Variants in GGT1 observed in about 807,000 individuals in gnomAD.
GGT1 encodes the protein gamma-glutamyltransferase 1, also known as glutathione hydrolase 1 proenzyme.
In GGT1, 21 loss-of-function variants were observed where a neutral mutation model predicts 56.0. That is an observed-to-expected ratio of 0.38 (90% confidence interval 0.27 to 0.54). The LOEUF is 0.54. GGT1 is among the 20% of genes least tolerant of loss of function. The pLI, the probability that GGT1 is intolerant of heterozygous loss-of-function variation, is 0.82. For missense variants in GGT1, 466 were observed against 787.0 expected (o/e 0.59, Z 4.88); for synonymous variants, 238 against 342.6 (o/e 0.69, Z 3.37).
At chr22:24,613,908 G>T (rs5760499) in intron 5 of GGT1, among the ~76,000 whole-genome samples, 1 of 151,456 alleles carries the variant, frequency 6.6e-6, no homozygotes, top group Admixed American at 6.6e-5. Context: ...AAAATTGCCA[G>T]GTGTGGTGGT....
At chr22:24,586,216 C>T in the GGT1 span, 63 of 1,613,554 alleles carry the variant, frequency 3.9e-5, no homozygotes, top group South Asian at 1.1e-4. Context: ...GGCGGGGCAG[C>T]GCCCACAGGC....
Position 24,626,965 on chromosome 22 carries a change from A to G in GGT1, c.1021-467A>G, listed in dbSNP as rs554607144. 2.1e-4 allele frequency among the ~76,000 whole-genome samples: 32 copies of G among 150,330 alleles called. No individual in the cohort carries two copies. The South Asian group carries it at 3.0e-3, about 14-fold the overall frequency. ...AGGCCACATTCCAGGCTCTTTTCAC[A>G]CGTTGCCTCCTCTGAGAAGCCCTCC... On this transcript the variant is annotated intron_variant, in intron 11 of 15. Coordinates refer to ENST00000400382, the MANE Select transcript of GGT1 (RefSeq NM_001288833.2).
rs1237256870 is a variant in GGT1 at position 24,628,406 on chromosome 22, G to A, written c.1563+18G>A. ...TTGACCAGGTGGGCCGGGGGTTGGA[G>A]AAACTGAGTCAAGGTGTGGGGCCCC... is the stretch of plus-strand genomic sequence containing the variant. On this transcript the variant is annotated intron_variant, in intron 15 of 15. Transcript: ENST00000400382. The surrounding 1 kb of genome is among the most constrained non-coding windows in gnomAD (Gnocchi z 5.7). 6.2e-7 allele frequency: 1 copy of A among 1,608,966 alleles called. No individual in the cohort carries two copies.
the GGT1 span, chr22:24,585,828 A>G: frequency 1.4e-6 from 2 of 1,454,554 alleles, no homozygotes; most frequent in South Asian, 1.4e-5. Flanking sequence ...TTCATCGCCC[A>G]CTATCATGTG....
Position 24,623,770 on chromosome 22 carries a change from G to T in GGT1, c.884-10G>T, listed in dbSNP as rs746059583. On this transcript the variant is annotated splice_polypyrimidine_tract_variant and intron_variant, in intron 10 of 15. Coordinates refer to ENST00000400382, the MANE Select transcript of GGT1 (RefSeq NM_001288833.2). ...GGCTCAGCAACATGCACCTGGCTCT[G>T]ATCAACCAGGGTACAACTTCTCCCG... 2 of 1,611,660 alleles carry T rather than the reference G, an allele frequency of 1.2e-6. No homozygotes were observed. Among genetic ancestry groups the T allele is most frequent in the Admixed American group, 1.7e-5 (1 of 59,972 alleles).
At chr22:24,605,351 ATATAATATGTATTATATATTATATAATAT>A (rs1569048329) in intron 1 of GGT1, among the ~76,000 whole-genome samples, 716 of 61,698 alleles carry the variant, frequency 0.012, 85 homozygotes, top group Non-Finnish European at 0.016. Flanking sequence ...ATTATATATT[ATATAATATGTATTATATATTATATAATAT>A]TATAATATGT....
rs1452819957 is a variant in GGT1 at position 24,620,408 on chromosome 22, C to T, written c.463C>T (p.Arg155Cys). The change falls in exon 8 of 16, where the codon CGC (arginine) becomes TGC (cysteine). Residue 155 changes from arginine to cysteine, a missense_variant. Coordinates refer to ENST00000400382, the MANE Select transcript of GGT1 (RefSeq NM_001288833.2). The surrounding 1 kb of genome is among the most constrained non-coding windows in gnomAD (Gnocchi z 5.6). ...GCGGCATGGGCGGCTGCCCTGGGCT[C>T]GCCTCTTCCAGCCCAGCATCCAGCT... ...HQRHGRLPWA[R>C]LFQPSIQLAR... 17 of 1,611,114 alleles carry T rather than the reference C, an allele frequency of 1.1e-5. No individual in the cohort carries two copies. The highest frequency in any genetic ancestry group is 1.4e-5 in the Non-Finnish European group (16 of 1,179,610).
chr22:24,592,122 T>G (rs1314057226), upstream of GGT1: 2 of 364,698 alleles, frequency 5.5e-6, no homozygotes, highest in Non-Finnish European at 5.5e-6. Flanking sequence ...CTGTAGGGGG[T>G]GGGGACGGGG....
intron 9 of GGT1, 106 bp from the exon 10 acceptor site, chr22:24,623,001 C>G (rs2047528067): frequency 1.4e-6 from 2 of 1,386,018 alleles, no homozygotes; most frequent in African/African-American, 2.9e-5. Context: ...TTCCCCACCA[C>G]CATGGTGCAG....
At chr22:24,606,842 G>A (rs900849167) in intron 1 of GGT1, among the ~76,000 whole-genome samples, 30 of 151,900 alleles carry the variant, frequency 2.0e-4, no homozygotes, top group Admixed American at 1.8e-3. Flanking sequence ...TTATGGGCAC[G>A]GAATAGACCT....
At chr22:24,624,051 T>C in intron 11 of GGT1, 135 bp downstream of exon 11, 15 of 1,518,630 alleles carry the variant, frequency 9.9e-6, no homozygotes, top group South Asian at 1.3e-5. Context: ...GCGGGCCTAC[T>C]GTGTGCTCGG....
the GGT1 span, chr22:24,588,908 G>C: frequency 1.0e-6 from 1 of 1,003,486 alleles, no homozygotes; most frequent in Non-Finnish European, 1.2e-6. Context: ...CAGAGGCCCA[G>C]CTCAGGGTGG....
At chr22:24,592,684 G>T, upstream of GGT1, 1 of 1,159,020 alleles carries the variant, frequency 8.6e-7, no homozygotes, top group Non-Finnish European at 1.1e-6. Context: ...GCCCACGCAA[G>T]ACCCCGCGTG....
intron 2 of GGT1, chr22:24,609,297 C>G (rs996904971): frequency 6.6e-6 from 1 of 151,454 alleles, no homozygotes; most frequent in African/African-American, 2.4e-5. Context: ...ACAGGTGGCG[C>G]CTGGATTCAG....
the GGT1 span, among the ~76,000 whole-genome samples, chr22:24,584,686 C>CG: frequency 9.9e-5 from 15 of 152,074 alleles, no homozygotes; most frequent in African/African-American, 3.4e-4. Context: ...TGGAGCCCCC[C>CG]TCTGCTGCTG....
At chr22:24,616,414 C>CAA (rs905685147) in intron 7 of GGT1, among the ~76,000 whole-genome samples, 10 of 132,694 alleles carry the variant, frequency 7.5e-5, no homozygotes, top group Admixed American at 5.4e-4. Flanking sequence ...AGCTCCGTCT[C>CAA]AAAAAAAAAA....
chr22:24,593,376 C>G (rs1475692577), upstream of GGT1, among the ~76,000 whole-genome samples: 1 of 151,630 alleles, frequency 6.6e-6, no homozygotes, highest in Admixed American at 6.6e-5. Flanking sequence ...GTCGCTTTGA[C>G]CGTGCAAAGA....
chr22:24,603,898 G>A (rs2045862947), intron 1 of GGT1, among the ~76,000 whole-genome samples: 4 of 151,910 alleles, frequency 2.6e-5, no homozygotes, highest in Non-Finnish European at 5.9e-5. Flanking sequence ...GTTGTGCGAG[G>A]GGTCATTGCC....
At chr22:24,618,909 A>AG (rs924788303) in intron 7 of GGT1, among the ~76,000 whole-genome samples, 4 of 152,054 alleles carry the variant, frequency 2.6e-5, no homozygotes, top group South Asian at 2.1e-4. Context: ...AGCGGGGCTC[A>AG]GGGGGGAAGC....
Sources: gnomAD v4.1 joint callset for allele counts (sites outside exome capture counted in the v4.1 genomes callset) on GRCh38, gnomAD v4.1.1 for gene constraint, Gnocchi (gnomAD v3.1) non-coding constraint, MANE v1.5 for transcripts, NCBI Gene and HGNC (gene_info 2026-07-23, HGNC 2026-07-21) for gene names.